The following CAMK4 variants were observed in gnomAD, a reference collection of about 807,000 sequenced individuals.
CAMK4 encodes the protein calcium/calmodulin dependent protein kinase IV.
In CAMK4, 22 loss-of-function variants were observed where a neutral mutation model predicts 44.9. The observed-to-expected ratio is 0.49, with a 90% CI of 0.35 to 0.70. The LOEUF (loss-of-function observed/expected upper bound fraction) is 0.70, where lower values mean the gene tolerates loss of function less well. Ranked by LOEUF, CAMK4 falls within the 30% of genes least tolerant of loss-of-function variation. CAMK4 has a pLI of 0.01. For synonymous variants in CAMK4, 218 were observed against 215.4 expected (o/e 1.01, Z -0.11); for missense variants, 498 against 586.8 (o/e 0.85, Z 1.56).
At chr5:111,345,850 A>G (rs1160090373) in intron 2 of CAMK4, among the ~76,000 whole-genome samples, 1 of 151,954 alleles carries the variant, frequency 6.6e-6, no homozygotes, top group Non-Finnish European at 1.5e-5. Context: ...TTGTGAAAAC[A>G]TCTCCCTCAG....
chr5:111,317,898 TAAAAAAAAAAAAA>T lies in CAMK4; in HGVS notation c.162-26108_162-26096del, dbSNP rs3066636. 1.8e-3 allele frequency among the ~76,000 whole-genome samples: 124 copies of T among 69,838 alleles called. No individual in the cohort carries two copies. In the South Asian group the frequency reaches 0.022, roughly 13 times the overall value. 45.8% of individuals were successfully genotyped at this position (69,838 alleles called of 152,430 possible). ...ATCCTAAAGCCGGTGGAGTAATATGTAAAAAAAAAAAAAAAAAAAAAAAAAAAAAAGGAAAACA... is the reference window on the plus strand; with the variant it reads ...ATCCTAAAGCCGGTGGAGTAATATGTAAAAAAAAAAAAAAAAAGGAAAACA... On this transcript the variant is annotated intron_variant, in intron 1 of 10. Transcript: ENST00000282356.
chr5:111,461,486 AG>A (rs1260815221), intron 7 of CAMK4, among the ~76,000 whole-genome samples: 1 of 152,208 alleles, frequency 6.6e-6, no homozygotes, highest in Non-Finnish European at 1.5e-5. Flanking sequence ...AGCTAAACAA[AG>A]GACCGCACAA....
chr5:111,233,573 T>G (rs1206512508), intron 1 of CAMK4, among the ~76,000 whole-genome samples: 5 of 152,224 alleles, frequency 3.3e-5, no homozygotes. Context: ...TAATTTGTTT[T>G]GTACATAATA....
At chr5:111,320,814 C>A (rs1339189938) in intron 1 of CAMK4, among the ~76,000 whole-genome samples, 6 of 152,192 alleles carry the variant, frequency 3.9e-5, no homozygotes, top group Non-Finnish European at 8.8e-5. Context: ...CTAATATTGC[C>A]ATTTTTAATT....
In CAMK4 at chr5:111,476,239, TTGTGTGTG is replaced by T. The variant is rs5870455; in HGVS notation, c.702-2118_702-2111del. Among the ~76,000 whole-genome samples, 264 of 132,858 alleles carry T rather than the reference TTGTGTGTG, an allele frequency of 2.0e-3. 1 individual carries two copies. The highest frequency in any genetic ancestry group is 3.1e-3 in the Non-Finnish European group (197 of 64,020). The allele number at this position is 132,858 out of a possible 152,430, so 87.2% of individuals were successfully genotyped here. On this transcript the variant is annotated intron_variant, in intron 8 of 10. Coordinates refer to ENST00000282356, the MANE Select transcript of CAMK4 (RefSeq NM_001744.6). ...CATTTTAACTTCACTCTTTGCTTCT[TTGTGTGTG>T]TGTGTGTGTGTGTGTGTGTGTGTTT...
At chr5:111,353,263 G>T (rs1412727009) in intron 2 of CAMK4, among the ~76,000 whole-genome samples, 1 of 151,906 alleles carries the variant, frequency 6.6e-6, no homozygotes, top group Non-Finnish European at 1.5e-5. Context: ...TGTAAGGTCA[G>T]TCTTGGTTTC....
chr5:111,374,031 A>G (rs1751115533), intron 2 of CAMK4, among the ~76,000 whole-genome samples: 1 of 152,190 alleles, frequency 6.6e-6, no homozygotes, highest in South Asian at 2.1e-4. Flanking sequence ...CAAGTGGTGA[A>G]CTAACTAGGA....
chr5:111,389,333 T>C (rs1751718043), intron 4 of CAMK4, among the ~76,000 whole-genome samples: 1 of 152,114 alleles, frequency 6.6e-6, no homozygotes, highest in South Asian at 2.1e-4. Context: ...TTTCAACATA[T>C]GAATTTGGGA....
intron 5 of CAMK4, among the ~76,000 whole-genome samples, chr5:111,442,076 CT>C (rs1215265469): frequency 6.6e-6 from 1 of 152,106 alleles, no homozygotes; most frequent in Non-Finnish European, 1.5e-5. Flanking sequence ...TTAAATTGAT[CT>C]TTTTATGTCT....
At chr5:111,446,623 G>C (rs1415065079) in intron 5 of CAMK4, 63 bp from the exon 6 acceptor site, 11 of 817,226 alleles carry the variant, frequency 1.3e-5, no homozygotes, top group Non-Finnish European at 1.6e-5. Context: ...AAAAGATTAA[G>C]TATAGACATT....
intron 2 of CAMK4, among the ~76,000 whole-genome samples, chr5:111,345,365 A>G (rs1005452100): frequency 1.3e-5 from 2 of 151,926 alleles, no homozygotes; most frequent in Admixed American, 1.3e-4. Flanking sequence ...GAATCTGTTG[A>G]TTGATAAGAT....
intron 7 of CAMK4, among the ~76,000 whole-genome samples, chr5:111,469,052 G>A (rs1243780244): frequency 5.4e-5 from 8 of 149,296 alleles, no homozygotes; most frequent in African/African-American, 7.4e-5. Context: ...GCTGAGGCAC[G>A]AGAAGCGCTT....
intron 5 of CAMK4, among the ~76,000 whole-genome samples, chr5:111,401,530 C>CAA (rs11409512): frequency 1.6e-3 from 237 of 151,464 alleles, no homozygotes; most frequent in African/African-American, 3.9e-3. Flanking sequence ...ATCTGAGCAT[C>CAA]AAAAAAAATA....
At chr5:111,288,939 TG>T (rs1276944967) in intron 1 of CAMK4, among the ~76,000 whole-genome samples, 1 of 152,234 alleles carries the variant, frequency 6.6e-6, no homozygotes, top group Admixed American at 6.5e-5. Flanking sequence ...TAGCTCCTTT[TG>T]GTTAAAGTCC....
At chr5:111,356,585 G>A (rs1342431489) in intron 2 of CAMK4, among the ~76,000 whole-genome samples, 16 of 152,280 alleles carry the variant, frequency 1.1e-4, no homozygotes, top group South Asian at 4.1e-4. Context: ...GCCCATGCCT[G>A]TGTCCTGAAT....
At chr5:111,320,775 G>T (rs563893339) in intron 1 of CAMK4, among the ~76,000 whole-genome samples, 6 of 152,240 alleles carry the variant, frequency 3.9e-5, no homozygotes, top group Non-Finnish European at 8.8e-5. Context: ...CAAAGTGCTG[G>T]GATTACAGGC....
chr5:111,351,564 C>T (rs1750106435), intron 2 of CAMK4, among the ~76,000 whole-genome samples: 1 of 151,726 alleles, frequency 6.6e-6, no homozygotes, highest in Non-Finnish European at 1.5e-5. Context: ...TGCCACCACA[C>T]CCGGCTAATT....
chr5:111,281,111 T>A (rs982619576), intron 1 of CAMK4, among the ~76,000 whole-genome samples: 4 of 152,198 alleles, frequency 2.6e-5, no homozygotes, highest in African/African-American at 9.6e-5. Flanking sequence ...TCTATAACAG[T>A]ATTCTACAGG....
chr5:111,488,415 A>G lies in CAMK4; in HGVS notation c.*3949A>G, dbSNP rs999568522. On this transcript the variant is annotated 3_prime_UTR_variant, in exon 11 of 11. Coordinates refer to ENST00000282356, the MANE Select transcript of CAMK4 (RefSeq NM_001744.6). ...ATTTTAGAATAATCCTCAAGGTTCT[A>G]TAGTCATTTTTAGTGGAAGACTTAA... is the stretch of plus-strand genomic sequence containing the variant. 5.3e-5 allele frequency: 8 copies of G among 152,346 alleles called. No homozygotes were observed. The highest frequency in any genetic ancestry group is 3.4e-3 in the Middle Eastern group (1 of 294). The allele number at this position is 152,346 out of a possible 1,614,324, so 9.4% of individuals were successfully genotyped here. A position where few individuals can be genotyped will look rare whatever the true frequency, so the allele number is the denominator to read the frequency against.
Sources: allele counts gnomAD v4.1 joint callset (sites outside exome capture counted in the v4.1 genomes callset), GRCh38; gene constraint gnomAD v4.1.1; transcripts MANE v1.5; gene names NCBI Gene and HGNC (gene_info 2026-07-23, HGNC 2026-07-21).